HS2ST1: variants seen among roughly 807,000 people sequenced by gnomAD.
The protein encoded by HS2ST1 is heparan sulfate 2-O-sulfotransferase 1.
In HS2ST1, 18 loss-of-function variants were observed where a neutral mutation model predicts 42.9. The ratio of observed to expected loss-of-function variants is 0.42; its 90% confidence interval spans 0.29 to 0.62. The LOEUF (loss-of-function observed/expected upper bound fraction) is 0.62. HS2ST1 is among the 20% of genes least tolerant of loss of function. HS2ST1 has a pLI of 0.21. For synonymous variants in HS2ST1, 146 were observed against 152.9 expected, an observed-to-expected ratio of 0.95 and a Z score of 0.33; for missense variants, 334 against 433.8, an observed-to-expected ratio of 0.77 and a Z score of 2.04.
intron 1 of HS2ST1, among the ~76,000 whole-genome samples, chr1:87,041,498 A>G (rs1487446523): frequency 6.6e-6 from 1 of 152,196 alleles, no homozygotes; most frequent in East Asian, 1.9e-4. Flanking sequence ...TGTATAGGAC[A>G]TTATTGTTAA....
At chr1:87,096,111 C>A (rs1403648693) in intron 4 of HS2ST1, among the ~76,000 whole-genome samples, 2 of 151,866 alleles carry the variant, frequency 1.3e-5, no homozygotes, top group Non-Finnish European at 2.9e-5. Context: ...CAGCTTCACA[C>A]AGATATATAA....
At chr1:87,025,018 A>C (rs1650048679) in intron 1 of HS2ST1, among the ~76,000 whole-genome samples, 1 of 152,348 alleles carries the variant, frequency 6.6e-6, no homozygotes. Flanking sequence ...TGTAACAGCC[A>C]TGATTCCTTC....
At chr1:87,097,721 T>TA (rs1652102384) in intron 4 of HS2ST1, 117 bp from the exon 5 acceptor site, 1 of 1,154,936 alleles carries the variant, frequency 8.7e-7, no homozygotes, top group Non-Finnish European at 1.2e-6. Context: ...CCAAAAAAAA[T>TA]AAGAGTGTCT....
chr1:86,953,590 T>A (rs933549999), intron 1 of HS2ST1, among the ~76,000 whole-genome samples: 7 of 152,004 alleles, frequency 4.6e-5, no homozygotes, highest in Non-Finnish European at 7.4e-5. Flanking sequence ...TGAAACCCTG[T>A]CTCTACTAAA....
At chr1:86,991,429 G>T (rs1241729512) in intron 1 of HS2ST1, among the ~76,000 whole-genome samples, 1 of 152,138 alleles carries the variant, frequency 6.6e-6, no homozygotes, top group East Asian at 1.9e-4. Flanking sequence ...GTTACAGGTT[G>T]GTGTTTGCCT....
intron 1 of HS2ST1, among the ~76,000 whole-genome samples, chr1:86,951,058 A>G (rs1467413972): frequency 6.6e-6 from 1 of 152,236 alleles, no homozygotes; most frequent in Non-Finnish European, 1.5e-5. Context: ...CATAAGTAAT[A>G]CATCTTAGTA....
At chr1:86,964,010 G>T (rs954808447) in intron 1 of HS2ST1, among the ~76,000 whole-genome samples, 1 of 150,430 alleles carries the variant, frequency 6.6e-6, no homozygotes, top group Non-Finnish European at 1.5e-5. Context: ...GGGCGGCCGG[G>T]CAGAGACGCT....
intron 1 of HS2ST1, among the ~76,000 whole-genome samples, chr1:87,018,341 G>C (rs967956547): frequency 6.6e-6 from 1 of 152,186 alleles, no homozygotes; most frequent in Admixed American, 6.5e-5. Flanking sequence ...ACTAGTTTTT[G>C]AGTGCTTGCA....
At chr1:86,924,744 G>A (rs1660377788) in intron 1 of HS2ST1, among the ~76,000 whole-genome samples, 1 of 152,134 alleles carries the variant, frequency 6.6e-6, no homozygotes, top group Non-Finnish European at 1.5e-5. Context: ...CATAGCACGG[G>A]GACCCTGGGC....
chr1:86,984,765 A>G (rs1465391473), intron 1 of HS2ST1, among the ~76,000 whole-genome samples: 1 of 151,962 alleles, frequency 6.6e-6, no homozygotes, highest in Non-Finnish European at 1.5e-5. Context: ...AAAATAAAAA[A>G]TTAGCTGGGT....
rs185899419 is a variant in HS2ST1 at position 87,051,744 on chromosome 1, A to G, written c.125-21190A>G. Among the ~76,000 whole-genome samples the G allele has an allele frequency of 7.8e-3, 1,193 of 152,308 alleles. 9 individuals carry two copies. Among genetic ancestry groups the G allele is most frequent in the Non-Finnish European group, 0.014 (936 of 68,022 alleles). ...TGCATTGTGGGCATGTTGAAGTGTC[A>G]CTAGTAAAGAATTGTAGTTTACAGG... On this transcript the variant is annotated intron_variant, in intron 1 of 6. Transcript: ENST00000370550.
intron 1 of HS2ST1, among the ~76,000 whole-genome samples, chr1:87,028,454 C>T (rs1430566673): frequency 2.0e-5 from 3 of 152,218 alleles, no homozygotes; most frequent in African/African-American, 7.2e-5. Flanking sequence ...AGTATCCCAA[C>T]AAATAGCACC....
At position 86,999,145 on chromosome 1, in the gene HS2ST1, A is replaced by G. The variant is rs1447509276; in HGVS notation, c.125-73789A>G. 2.6e-5 allele frequency among the ~76,000 whole-genome samples: 4 copies of G among 152,122 alleles called. No individual in the cohort carries two copies. The East Asian group carries it at 7.7e-4, about 29-fold the overall frequency. ...TAGGAATATCTTAGAGGCTGATATA[A>G]TCTGTTCTTTTTGGAAACAATAATT... On this transcript the variant is annotated intron_variant, in intron 1 of 6. Coordinates refer to ENST00000370550, the MANE Select transcript of HS2ST1 (RefSeq NM_012262.4).
chr1:87,063,138 A>G (rs1049080725), intron 1 of HS2ST1, among the ~76,000 whole-genome samples: 1 of 152,084 alleles, frequency 6.6e-6, no homozygotes. Context: ...TGTGACACCA[A>G]TGTTAGATCT....
chr1:87,102,749 C>T (rs891705048), intron 5 of HS2ST1, among the ~76,000 whole-genome samples: 2 of 152,012 alleles, frequency 1.3e-5, no homozygotes, highest in African/African-American at 2.4e-5. Flanking sequence ...TTCCCCTCCC[C>T]CTCTTTGTTT....
At chr1:87,093,860 TG>T (rs1487521573) in intron 4 of HS2ST1, among the ~76,000 whole-genome samples, 2 of 151,982 alleles carry the variant, frequency 1.3e-5, no homozygotes, top group Non-Finnish European at 2.9e-5. Flanking sequence ...TTTTTTGTTT[TG>T]TTTTCCTTTT....
Position 86,954,134 on chromosome 1 carries a change from G to A in HS2ST1, c.124+38974G>A, listed in dbSNP as rs531473021. 4.5e-4 allele frequency among the ~76,000 whole-genome samples: 67 copies of A among 149,964 alleles called. 1 individual carries two copies. The South Asian group carries it at 7.2e-3, about 16-fold the overall frequency. On this transcript the variant is annotated intron_variant, in intron 1 of 6. Coordinates refer to ENST00000370550, the MANE Select transcript of HS2ST1 (RefSeq NM_012262.4). ...TGGGAGGTCGAGGCGGGCAGGTCAC[G>A]AGGTCAGGAGTTTGAGACCAGCCTG... is the stretch of plus-strand genomic sequence containing the variant.
At chr1:87,025,194 CAG>C (rs962624837) in intron 1 of HS2ST1, among the ~76,000 whole-genome samples, 5 of 148,608 alleles carry the variant, frequency 3.4e-5, no homozygotes, top group Non-Finnish European at 7.5e-5. Flanking sequence ...AAGTGAAGAA[CAG>C]GGGACCTGCA....
chr1:86,926,002 TG>T (rs1660409597), intron 1 of HS2ST1, among the ~76,000 whole-genome samples: 1 of 152,230 alleles, frequency 6.6e-6, no homozygotes, highest in Non-Finnish European at 1.5e-5. Flanking sequence ...TTTCAAACTT[TG>T]TTTTGGGACA....
Sources: allele counts gnomAD v4.1 joint callset (sites outside exome capture counted in the v4.1 genomes callset), GRCh38; gene constraint gnomAD v4.1.1; transcripts MANE v1.5; gene names NCBI Gene and HGNC (gene_info 2026-07-23, HGNC 2026-07-21).